The following CACNA2D2 variants were observed in gnomAD, a reference collection of about 807,000 sequenced individuals.
CACNA2D2 encodes the protein voltage-dependent calcium channel subunit alpha-2/delta-2.
Under a neutral mutation model 166.4 loss-of-function variants are expected in CACNA2D2, and 48 were observed. That is an observed-to-expected ratio of 0.29 (90% confidence interval 0.23 to 0.37). The LOEUF (loss-of-function observed/expected upper bound fraction) is 0.37, where lower values mean the gene tolerates loss of function less well. Ranked by LOEUF, CACNA2D2 falls within the 10% of genes least tolerant of loss-of-function variation. CACNA2D2 has a pLI of 1.00. For synonymous variants in CACNA2D2, 561 were observed against 573.7 expected (o/e 0.98, Z 0.32); for missense variants, 1,122 against 1,433.0 (o/e 0.78, Z 3.50).
intron 2 of CACNA2D2, among the ~76,000 whole-genome samples, chr3:50,452,285 C>T (rs1356287757): frequency 6.6e-6 from 1 of 152,254 alleles, no homozygotes; most frequent in Non-Finnish European, 1.5e-5. Context: ...GCGTCCTTCA[C>T]CCCTCACAGG....
At chr3:50,492,122 A>G (rs1219759290) in intron 1 of CACNA2D2, among the ~76,000 whole-genome samples, 5 of 152,236 alleles carry the variant, frequency 3.3e-5, no homozygotes, top group Admixed American at 3.3e-4. Flanking sequence ...CCGCAAGATG[A>G]GAATGAAGTC....
chr3:50,410,805 G>A (rs1706975200), intron 3 of CACNA2D2, among the ~76,000 whole-genome samples: 1 of 152,246 alleles, frequency 6.6e-6, no homozygotes, highest in South Asian at 2.1e-4. Flanking sequence ...TGGGTGAGGA[G>A]GTTTCTTCCA....
intron 2 of CACNA2D2, among the ~76,000 whole-genome samples, chr3:50,469,481 C>T (rs1156946959): frequency 6.6e-6 from 1 of 152,116 alleles, no homozygotes; most frequent in Non-Finnish European, 1.5e-5. Context: ...GGCATGTGAA[C>T]TTTTCTAAAC....
In CACNA2D2 at chr3:50,376,446, CT is replaced by C. The variant is rs968242584; in HGVS notation, c.1627-259del. On this transcript the variant is annotated intron_variant, in intron 17 of 37. Coordinates refer to ENST00000424201, the MANE Select transcript of CACNA2D2 (RefSeq NM_006030.4). This position sits in a 1 kb window ranked among gnomAD's most constrained non-coding sequence, Gnocchi z 4.3. The stretch of plus-strand genomic sequence containing the variant: ...GCTCTGCAGTCCTCATCCTCTCCCC[CT>C]GGTTCTCATGAGCTGTCAGTTGTCC... Among the ~76,000 whole-genome samples, 4 of 152,224 alleles carry C rather than the reference CT, an allele frequency of 2.6e-5. No individual in the cohort carries two copies. Among genetic ancestry groups the C allele is most frequent in the Admixed American group, 2.6e-4 (4 of 15,292 alleles).
chr3:50,430,564 T>A (rs1708017986), intron 3 of CACNA2D2, among the ~76,000 whole-genome samples: 1 of 152,194 alleles, frequency 6.6e-6, no homozygotes, highest in Non-Finnish European at 1.5e-5. Context: ...GGCCTGTCCT[T>A]CATCACTGCA....
chr3:50,492,365 G>A (rs886714472), intron 1 of CACNA2D2, among the ~76,000 whole-genome samples: 3 of 152,266 alleles, frequency 2.0e-5, no homozygotes, highest in Non-Finnish European at 2.9e-5. Flanking sequence ...GAGACAGGAC[G>A]TGGCCTGAAT....
chr3:50,488,368 TTTCATTCATTCA>T (rs1158416719), intron 1 of CACNA2D2, among the ~76,000 whole-genome samples: 1 of 152,034 alleles, frequency 6.6e-6, no homozygotes, highest in Non-Finnish European at 1.5e-5. Flanking sequence ...CAGGAGCTGA[TTTCATTCATTCA>T]TTCATTCATT....
chr3:50,459,233 G>A (rs1423616336), intron 2 of CACNA2D2, among the ~76,000 whole-genome samples: 1 of 152,166 alleles, frequency 6.6e-6, no homozygotes, highest in East Asian at 1.9e-4. Flanking sequence ...TGGGTGGCAG[G>A]GAAAGGTCAG....
chr3:50,381,247 G>A (rs1705299620), intron 6 of CACNA2D2, 121 bp from the exon 7 acceptor site: 1 of 1,193,284 alleles, frequency 8.4e-7, no homozygotes. Flanking sequence ...GGCCTATCCA[G>A]GCCCTCCCTA....
At chr3:50,465,651 G>A (rs1559975636) in intron 2 of CACNA2D2, among the ~76,000 whole-genome samples, 1 of 152,216 alleles carries the variant, frequency 6.6e-6, no homozygotes, top group African/African-American at 2.4e-5. Flanking sequence ...GGGAGCTGGG[G>A]AGCATGGGGG....
At position 50,380,326 on chromosome 3, in the gene CACNA2D2, C is replaced by A. The variant is rs1464673203; in HGVS notation, c.843-308G>T. Among the ~76,000 whole-genome samples, 1 of 152,176 alleles carries A rather than the reference C, an allele frequency of 6.6e-6. No individual in the cohort carries two copies. Among genetic ancestry groups the A allele is most frequent in the Non-Finnish European group, 1.5e-5 (1 of 68,032 alleles). ...GTGTCCTCTGCCTCAGGTTGGGGCC[C>A]CGAGGGCACAGTCTAGCTGTGTATG... is the stretch of plus-strand genomic sequence containing the variant. On this transcript the variant is annotated intron_variant, in intron 8 of 37. Coordinates refer to ENST00000424201, the MANE Select transcript of CACNA2D2 (RefSeq NM_006030.4). This position sits in a 1 kb window ranked among gnomAD's most constrained non-coding sequence, Gnocchi z 4.9.
rs1575585234 is a variant in CACNA2D2 at position 50,367,309 on chromosome 3, CA to C, written c.2401+84del. The C allele has an allele frequency of 1.5e-6, 2 of 1,309,744 alleles. No homozygotes were observed. Among genetic ancestry groups the C allele is most frequent in the Non-Finnish European group, 2.2e-6 (2 of 915,446 alleles). The allele number at this position is 1,309,744 out of a possible 1,614,324, so 81.1% of individuals were successfully genotyped here. On this transcript the variant is annotated intron_variant, in intron 27 of 37. Coordinates refer to ENST00000424201, the MANE Select transcript of CACNA2D2 (RefSeq NM_006030.4). The surrounding 1 kb of genome is among the most constrained non-coding windows in gnomAD (Gnocchi z 6.5). ...CCAGCCTTGTGTTGGAGAGGGGCCTCAGACAGCAGAGCCCAGTTCTGGCTGA... is the reference window on the plus strand; with the variant it reads ...CCAGCCTTGTGTTGGAGAGGGGCCTCGACAGCAGAGCCCAGTTCTGGCTGA...
Position 50,365,060 on chromosome 3 carries a change from G to A in CACNA2D2, c.3208+15C>T, listed in dbSNP as rs749637834. On this transcript the variant is annotated intron_variant, in intron 36 of 37. Coordinates refer to ENST00000424201, the MANE Select transcript of CACNA2D2 (RefSeq NM_006030.4). This position sits in a 1 kb window ranked among gnomAD's most constrained non-coding sequence, Gnocchi z 4.5. ...AGAGGGGGAGCGGGCGGCGGGGAGG[G>A]CGGGGGCAGGATACAGTGCGTCTCC... 2.5e-6 allele frequency: 4 copies of A among 1,604,852 alleles called. No individual in the cohort carries two copies. In the East Asian group the frequency reaches 6.7e-5, roughly 27 times the overall value.
At chr3:50,491,567 G>C (rs953090141) in intron 1 of CACNA2D2, among the ~76,000 whole-genome samples, 1 of 152,244 alleles carries the variant, frequency 6.6e-6, no homozygotes, top group Admixed American at 6.5e-5. Flanking sequence ...GCGGAAAAAG[G>C]AGAGTGAAGG....
intron 3 of CACNA2D2, among the ~76,000 whole-genome samples, chr3:50,400,054 G>C (rs987988735): frequency 2.1e-4 from 32 of 152,230 alleles, no homozygotes; most frequent in Non-Finnish European, 3.1e-4. Flanking sequence ...CATTAGCTGT[G>C]TATTGTGCAC....
chr3:50,468,826 TCTC>T (rs1354740817), intron 2 of CACNA2D2, among the ~76,000 whole-genome samples: 23 of 129,328 alleles, frequency 1.8e-4, no homozygotes, highest in African/African-American at 6.1e-4. Context: ...TCCCCTTCTC[TCTC>T]TTTTTTTTTT....
intron 2 of CACNA2D2, among the ~76,000 whole-genome samples, chr3:50,460,572 C>T (rs1013333793): frequency 1.3e-5 from 2 of 152,026 alleles, no homozygotes; most frequent in South Asian, 2.1e-4. Context: ...TAAAAAGGTC[C>T]GGCTGGGCGT....
At chr3:50,432,520 G>A (rs1289680398) in intron 3 of CACNA2D2, among the ~76,000 whole-genome samples, 2 of 152,206 alleles carry the variant, frequency 1.3e-5, no homozygotes, top group East Asian at 1.9e-4. Context: ...AGACAGGGTC[G>A]GAGAACAAGG....
chr3:50,478,737 A>C (rs1697910484), intron 1 of CACNA2D2, among the ~76,000 whole-genome samples: 1 of 152,224 alleles, frequency 6.6e-6, no homozygotes, highest in Non-Finnish European at 1.5e-5. Flanking sequence ...GAGTCACAAA[A>C]GCTGACTCAC....
Sources: allele counts gnomAD v4.1 joint callset (sites outside exome capture counted in the v4.1 genomes callset), GRCh38; gene constraint gnomAD v4.1.1; non-coding constraint Gnocchi (gnomAD v3.1); transcripts MANE v1.5; gene names NCBI Gene and HGNC (gene_info 2026-07-23, HGNC 2026-07-21).